TTYH2: variants seen among roughly 807,000 people sequenced by gnomAD.
TTYH2 encodes the protein protein tweety homolog 2.
A neutral mutation model predicts 68.3 loss-of-function variants in TTYH2; 49 were observed. That is an observed-to-expected ratio of 0.72 (90% confidence interval 0.57 to 0.91). TTYH2 has a LOEUF of 0.91. TTYH2 is among the 40% of genes least tolerant of loss of function. The pLI, the probability that TTYH2 is intolerant of heterozygous loss-of-function variation, is 0.00. For missense variants in TTYH2, 631 were observed against 700.4 expected, an observed-to-expected ratio of 0.90 and a Z score of 1.12; for synonymous variants, 272 against 300.8, an observed-to-expected ratio of 0.90 and a Z score of 0.99.
At position 74,222,397 on chromosome 17, in the gene TTYH2, T is replaced by C. The variant is rs2050284235; in HGVS notation, c.130-88T>C. The C allele has an allele frequency of 7.0e-7, 1 of 1,423,072 alleles. No individual in the cohort carries two copies. The highest frequency in any genetic ancestry group is 1.4e-5 in the African/African-American group (1 of 70,372). 88.2% of individuals were successfully genotyped at this position (1,423,072 alleles called of 1,614,324 possible). On this transcript the variant is annotated intron_variant, in intron 1 of 13. Transcript: ENST00000269346. This position sits in a 1 kb window ranked among gnomAD's most constrained non-coding sequence, Gnocchi z 5.2. ...TGGACGAGAGATGCAGCTCAGGCAG[T>C]GGGGCACTCAGGGCCCAAGGGCAGG...
At chr17:74,219,365 G>A (rs903976587) in intron 1 of TTYH2, among the ~76,000 whole-genome samples, 58 of 135,818 alleles carry the variant, frequency 4.3e-4, no homozygotes, top group Non-Finnish European at 6.2e-4. Context: ...CTCCAGCCTG[G>A]CGACAGAGCA....
rs554722000 is a variant in TTYH2 at position 74,214,730 on chromosome 17, C to G, written c.129+1014C>G. On this transcript the variant is annotated intron_variant, in intron 1 of 13. Transcript: ENST00000269346. This position sits in a 1 kb window ranked among gnomAD's most constrained non-coding sequence, Gnocchi z 4.6. ...GGTCAAAGATTCTGGGGCCAGTGGA[C>G]CAGGATGAGGTCCATTTATTCAGAG... Among the ~76,000 whole-genome samples the G allele has an allele frequency of 8.5e-5, 13 of 152,194 alleles. No individual in the cohort carries two copies. Among genetic ancestry groups the G allele is most frequent in the Non-Finnish European group, 1.8e-4 (12 of 68,030 alleles).
At chr17:74,230,268 T>TTA (rs397794310) in intron 2 of TTYH2, among the ~76,000 whole-genome samples, 1 of 151,720 alleles carries the variant, frequency 6.6e-6, no homozygotes, top group Non-Finnish European at 1.5e-5. Context: ...TTTTTTTTTT[T>TTA]AATTTTTGCA....
intron 10 of TTYH2, among the ~76,000 whole-genome samples, chr17:74,251,169 T>C (rs2050620986): frequency 6.6e-6 from 1 of 151,626 alleles, no homozygotes; most frequent in Non-Finnish European, 1.5e-5. Flanking sequence ...GTGTGGTATG[T>C]GCATGCTTGT....
rs145415654 is a variant in TTYH2 at position 74,219,734 on chromosome 17, C to T, written c.130-2751C>T. 4.6e-3 allele frequency among the ~76,000 whole-genome samples: 704 copies of T among 152,230 alleles called. 5 individuals are homozygous for T. Among genetic ancestry groups the T allele is most frequent in the African/African-American group, 0.016 (675 of 41,546 alleles). ...TCTGGGAAATTCATCCCAGAAATAC[C>T]GTCATGTGTGGCTGGTTTCCTTTTC... On this transcript the variant is annotated intron_variant, in intron 1 of 13. Coordinates refer to ENST00000269346, the MANE Select transcript of TTYH2 (RefSeq NM_032646.6).
rs560979353 is a variant in TTYH2, at chr17:74,249,545, G to A, written c.930+146G>A. 8.4e-5 allele frequency: 72 copies of A among 862,032 alleles called. No individual in the cohort carries two copies. In the African/African-American group the frequency reaches 8.8e-4, roughly 11 times the overall value. The allele number at this position is 862,032 out of a possible 1,614,324, so 53.4% of individuals were successfully genotyped here. On this transcript the variant is annotated intron_variant, in intron 8 of 13. Coordinates refer to ENST00000269346, the MANE Select transcript of TTYH2 (RefSeq NM_032646.6). ...CCTTAGCTGCTTCTGTGAGGGGGGC[G>A]TGCTTTTGGTCGTGGGTTCTAGATT...
rs1567821763 is a variant in TTYH2, at chr17:74,253,276, GCA to G, written c.1445+18_1445+19del. 7 of 1,578,856 alleles carry G rather than the reference GCA, an allele frequency of 4.4e-6. No individual in the cohort carries two copies. Among genetic ancestry groups the G allele is most frequent in the Non-Finnish European group, 6.0e-6 (7 of 1,163,554 alleles). ...CTGTCTCCGAGTACATGTACGGCCT[GCA>G]CACACACCCAGGCTGGGTAGCACTG... is the stretch of plus-strand genomic sequence containing the variant. On this transcript the variant is annotated intron_variant, in intron 12 of 13. Coordinates refer to ENST00000269346, the MANE Select transcript of TTYH2 (RefSeq NM_032646.6).
chr17:74,220,507 C>T (rs2050264845), intron 1 of TTYH2, among the ~76,000 whole-genome samples: 1 of 152,210 alleles, frequency 6.6e-6, no homozygotes. Context: ...AACTTTACTT[C>T]AAGGAAAGAG....
In TTYH2 at chr17:74,222,460, A is replaced by T. The variant is rs749880533; in HGVS notation, c.130-25A>T. Reference sequence around the variant, plus strand: ...CCCCGCACTGCAGGGATGAAGAGTGACAACAGGCCTCTGCTCTCTTCCAGT... The same window carrying T: ...CCCCGCACTGCAGGGATGAAGAGTGTCAACAGGCCTCTGCTCTCTTCCAGT... On this transcript the variant is annotated intron_variant, in intron 1 of 13. Transcript: ENST00000269346. The surrounding 1 kb of genome is among the most constrained non-coding windows in gnomAD (Gnocchi z 5.2). 8 of 1,592,040 alleles carry T rather than the reference A, an allele frequency of 5.0e-6. No individual in the cohort carries two copies. The South Asian group carries it at 9.0e-5, about 18-fold the overall frequency.
intron 4 of TTYH2, among the ~76,000 whole-genome samples, chr17:74,240,039 C>T (rs1300537001): frequency 6.6e-6 from 1 of 152,140 alleles, no homozygotes; most frequent in African/African-American, 2.4e-5. Flanking sequence ...ATTGTTAAGG[C>T]GATGGTATTA....
Position 74,222,550 on chromosome 17 carries a change from T to C in TTYH2, c.195T>C (p.Ala65=). Residue 65 remains alanine, a synonymous_variant, in exon 2 of 14, where the codon GCT becomes GCC. Coordinates refer to ENST00000269346, the MANE Select transcript of TTYH2 (RefSeq NM_032646.6). The surrounding 1 kb of genome is among the most constrained non-coding windows in gnomAD (Gnocchi z 5.2). ...CLGLNLIFLV[A]YLVCACHCRR... The stretch of plus-strand genomic sequence containing the variant: ...GCCTGAACCTCATCTTCCTTGTGGC[T>C]TACCTGGTCTGTGCATGCCACTGCC... 6.2e-7 allele frequency: 1 copy of C among 1,612,732 alleles called. No homozygotes were observed. Among genetic ancestry groups the C allele is most frequent in the Non-Finnish European group, 8.5e-7 (1 of 1,179,994 alleles).
In TTYH2 at chr17:74,253,758, C is replaced by T; in HGVS notation, c.1449C>T (p.Asn483=). The T allele has an allele frequency of 6.2e-7, 1 of 1,614,180 alleles. No individual in the cohort carries two copies. The highest frequency in any genetic ancestry group is 8.5e-7 in the Non-Finnish European group (1 of 1,180,026). ...AGCTCTCCTCTCATCCCCGCAGGAA[C>T]CAAGCCATGCTCTTTGGTAGGAACC... ...ISNAPVSEYM[N]QAMLFGRNPR... The change falls in exon 13 of 14, where the codon AAC becomes AAT. Residue 483 remains asparagine, a synonymous_variant. Coordinates refer to ENST00000269346, the MANE Select transcript of TTYH2 (RefSeq NM_032646.6).
At position 74,261,194 on chromosome 17, in the gene TTYH2, G is replaced by T. The variant is rs893891764; in HGVS notation, c.*985G>T. On this transcript the variant is annotated 3_prime_UTR_variant, in exon 14 of 14. Transcript: ENST00000269346. ...GATCTGGAGGAGACGGGAAGGAGTC[G>T]ATTCTTAAATAAGGATCAGTGAGGC... 1 of 152,350 alleles carries T rather than the reference G, an allele frequency of 6.6e-6. No homozygotes were observed. Among genetic ancestry groups the T allele is most frequent in the Non-Finnish European group, 1.5e-5 (1 of 68,036 alleles). 9.4% of individuals were successfully genotyped at this position (152,350 alleles called of 1,614,324 possible). A position where few individuals can be genotyped will look rare whatever the true frequency, so the allele number is the denominator to read the frequency against.
intron 11 of TTYH2, 74 bp from the exon 12 acceptor site, chr17:74,253,007 A>AGTAG: frequency 6.7e-7 from 1 of 1,497,552 alleles, no homozygotes; most frequent in Non-Finnish European, 9.2e-7. Flanking sequence ...AAGGCAGGGA[A>AGTAG]GTAGGACAGG....
In TTYH2 at chr17:74,236,912, T is replaced by C. The variant is rs867400376; in HGVS notation, c.415-382T>C. ...CAGGCCAGCTTTTTTTTTTTTTTTT[T>C]CGACACAGAGTATCACTCTTGTCGC... On this transcript the variant is annotated intron_variant, in intron 3 of 13. Coordinates refer to ENST00000269346, the MANE Select transcript of TTYH2 (RefSeq NM_032646.6). Among the ~76,000 whole-genome samples the C allele has an allele frequency of 1.6e-3, 226 of 142,136 alleles. No homozygotes were observed. In the Middle Eastern group the frequency reaches 0.019, roughly 12 times the overall value. 93.2% of individuals were successfully genotyped at this position (142,136 alleles called of 152,430 possible).
At chr17:74,218,219 T>C (rs1181884074) in intron 1 of TTYH2, among the ~76,000 whole-genome samples, 1 of 152,072 alleles carries the variant, frequency 6.6e-6, no homozygotes, top group Non-Finnish European at 1.5e-5. Flanking sequence ...TTTTCCCTCC[T>C]CCTTCCTCCT....
chr17:74,230,498 C>T (rs2050377296), intron 2 of TTYH2, among the ~76,000 whole-genome samples: 5 of 152,138 alleles, frequency 3.3e-5, no homozygotes, highest in African/African-American at 1.2e-4. Flanking sequence ...TGCATCTGGG[C>T]TCATCAGTTG....
At chr17:74,234,484 ATTC>A (rs1220944062) in intron 3 of TTYH2, among the ~76,000 whole-genome samples, 6 of 152,230 alleles carry the variant, frequency 3.9e-5, no homozygotes, top group African/African-American at 7.2e-5. Context: ...CACTGCTGTC[ATTC>A]TTATTTTTTA....
Position 74,253,272 on chromosome 17 carries a change from GC to G in TTYH2, c.1445+8del. 1 of 1,582,994 alleles carries G rather than the reference GC, an allele frequency of 6.3e-7. No individual in the cohort carries two copies. Among genetic ancestry groups the G allele is most frequent in the Non-Finnish European group, 8.6e-7 (1 of 1,165,320 alleles). On this transcript the variant is annotated splice_region_variant and intron_variant, in intron 12 of 13. Coordinates refer to ENST00000269346, the MANE Select transcript of TTYH2 (RefSeq NM_032646.6). ...GCCCCTGTCTCCGAGTACATGTACGGCCTGCACACACACCCAGGCTGGGTAG... is the reference window on the plus strand; with the variant it reads ...GCCCCTGTCTCCGAGTACATGTACGGCTGCACACACACCCAGGCTGGGTAG...
Sources: allele counts gnomAD v4.1 joint callset (sites outside exome capture counted in the v4.1 genomes callset), GRCh38; gene constraint gnomAD v4.1.1; non-coding constraint Gnocchi (gnomAD v3.1); transcripts MANE v1.5; gene names NCBI Gene and HGNC (gene_info 2026-07-23, HGNC 2026-07-21).